CNTNAP2: variants seen among roughly 807,000 people sequenced by gnomAD.
CNTNAP2 encodes the protein contactin associated protein 2.
A neutral mutation model predicts 155.2 loss-of-function variants in CNTNAP2; 98 were observed. The observed-to-expected ratio is 0.63, with a 90% confidence interval of 0.54 to 0.75. The LOEUF is 0.75. CNTNAP2 is among the 30% of genes least tolerant of loss of function. CNTNAP2 has a pLI of 0.00. For synonymous variants in CNTNAP2, 651 were observed against 631.2 expected (o/e 1.03, Z -0.47); for missense variants, 1,727 against 1,688.1 (o/e 1.02, Z -0.40).
intron 1 of CNTNAP2, among the ~76,000 whole-genome samples, chr7:146,709,095 G>T (rs1220972996): frequency 6.6e-6 from 1 of 152,058 alleles, no homozygotes. Context: ...ACATAATTGT[G>T]ATTTCATCTG....
intron 13 of CNTNAP2, among the ~76,000 whole-genome samples, chr7:147,720,858 A>C (rs993796794): frequency 2.0e-5 from 3 of 152,074 alleles, no homozygotes; most frequent in African/African-American, 7.2e-5. Flanking sequence ...TATGAAAAAA[A>C]GACTAATACC....
intron 1 of CNTNAP2, among the ~76,000 whole-genome samples, chr7:146,267,396 C>T (rs1409001754): frequency 2.6e-5 from 4 of 152,034 alleles, no homozygotes; most frequent in Non-Finnish European, 5.9e-5. Context: ...ATTAGAACTG[C>T]TATAGGTGCT....
At chr7:148,004,860 A>G (rs1471884572) in intron 15 of CNTNAP2, among the ~76,000 whole-genome samples, 1 of 152,170 alleles carries the variant, frequency 6.6e-6, no homozygotes, top group African/African-American at 2.4e-5. Flanking sequence ...TCCAGGAAAG[A>G]ATGTTCAATA....
intron 1 of CNTNAP2, among the ~76,000 whole-genome samples, chr7:146,483,502 T>C (rs1018315281): frequency 2.7e-5 from 4 of 149,958 alleles, no homozygotes; most frequent in African/African-American, 9.7e-5. Flanking sequence ...TGTTTGTGTG[T>C]GTGTGTGCGT....
chr7:147,230,914 T>A (rs1803665127), intron 8 of CNTNAP2, among the ~76,000 whole-genome samples: 1 of 152,218 alleles, frequency 6.6e-6, no homozygotes, highest in Admixed American at 6.5e-5. Flanking sequence ...AGATACTACC[T>A]GAGACTGGGT....
intron 1 of CNTNAP2, among the ~76,000 whole-genome samples, chr7:146,483,880 C>A (rs1378401478): frequency 6.6e-6 from 1 of 152,038 alleles, no homozygotes; most frequent in Non-Finnish European, 1.5e-5. Flanking sequence ...GTTTTCTACA[C>A]AACGAGTATA....
Position 146,634,673 on chromosome 7 carries a change from A to C in CNTNAP2, c.98-139598A>C, listed in dbSNP as rs928627114. 4.6e-5 allele frequency among the ~76,000 whole-genome samples: 7 copies of C among 152,214 alleles called. 1 individual carries two copies. The highest frequency in any genetic ancestry group is 5.9e-5 in the Non-Finnish European group (4 of 68,044). On this transcript the variant is annotated intron_variant, in intron 1 of 23. Coordinates refer to ENST00000361727, the MANE Select transcript of CNTNAP2 (RefSeq NM_014141.6). Reference sequence around the variant, plus strand: ...AATATTAAAATGCAACCAGTCATGCAGTGTTGATGACAAGCTTCCTTTTCC... The same window carrying C: ...AATATTAAAATGCAACCAGTCATGCCGTGTTGATGACAAGCTTCCTTTTCC...
At chr7:148,222,478 C>A (rs917970989) in intron 19 of CNTNAP2, among the ~76,000 whole-genome samples, 1 of 95,200 alleles carries the variant, frequency 1.1e-5, no homozygotes, top group African/African-American at 3.9e-5. Flanking sequence ...ATCCATTAAC[C>A]CATTAATCCA....
At chr7:146,890,858 A>G (rs1795760518) in intron 3 of CNTNAP2, among the ~76,000 whole-genome samples, 1 of 152,188 alleles carries the variant, frequency 6.6e-6, no homozygotes, top group South Asian at 2.1e-4. Flanking sequence ...TGGAATTAAA[A>G]GACAGATTAC....
intron 10 of CNTNAP2, among the ~76,000 whole-genome samples, chr7:147,416,868 C>T (rs868120230): frequency 6.6e-6 from 1 of 152,158 alleles, no homozygotes; most frequent in Non-Finnish European, 1.5e-5. Context: ...GCAGGCAGAT[C>T]ACCTGAGTTC....
intron 1 of CNTNAP2, among the ~76,000 whole-genome samples, chr7:146,315,156 G>A (rs148793888): frequency 5.9e-5 from 9 of 152,300 alleles, no homozygotes; most frequent in African/African-American, 1.4e-4. Context: ...CTGCTGTGAA[G>A]CCAAACCCTC....
At chr7:147,689,519 CTCTT>C (rs1796059377) in intron 13 of CNTNAP2, among the ~76,000 whole-genome samples, 2 of 152,156 alleles carry the variant, frequency 1.3e-5, no homozygotes, top group Non-Finnish European at 2.9e-5. Flanking sequence ...TCACGTTATT[CTCTT>C]TACACATTTG....
intron 1 of CNTNAP2, among the ~76,000 whole-genome samples, chr7:146,225,000 A>G (rs1209476341): frequency 6.6e-6 from 1 of 152,158 alleles, no homozygotes; most frequent in Non-Finnish European, 1.5e-5. Flanking sequence ...AAAAAATCCT[A>G]TTGGTGTTTT....
chr7:146,357,592 C>T (rs56863910), intron 1 of CNTNAP2, among the ~76,000 whole-genome samples: 2,057 of 152,168 alleles, frequency 0.014, 43 homozygotes, highest in African/African-American at 0.047. Context: ...AATGTTAATA[C>T]GGATATAGGA....
intron 1 of CNTNAP2, among the ~76,000 whole-genome samples, chr7:146,738,837 TTC>T (rs1199446622): frequency 6.6e-6 from 1 of 150,738 alleles, no homozygotes; most frequent in African/African-American, 2.5e-5. Context: ...TGTTAAGATT[TTC>T]TGTTTTTTTT....
At chr7:147,397,056 G>A (rs1796828652) in intron 10 of CNTNAP2, among the ~76,000 whole-genome samples, 1 of 152,008 alleles carries the variant, frequency 6.6e-6, no homozygotes, top group Admixed American at 6.6e-5. Flanking sequence ...GCGTTCGTGT[G>A]AATGGTAAGT....
At chr7:146,799,967 A>C (rs1214111990) in intron 2 of CNTNAP2, among the ~76,000 whole-genome samples, 1 of 122,324 alleles carries the variant, frequency 8.2e-6, no homozygotes, top group Admixed American at 7.1e-5. Flanking sequence ...CTGTTAAATA[A>C]AAAAAGTATG....
intron 3 of CNTNAP2, among the ~76,000 whole-genome samples, chr7:146,964,837 C>G (rs551454632): frequency 2.5e-3 from 380 of 152,086 alleles, no homozygotes; most frequent in African/African-American, 4.3e-3. Context: ...AATACCTAAG[C>G]AGATAGTCAT....
intron 21 of CNTNAP2, among the ~76,000 whole-genome samples, chr7:148,315,084 T>C (rs1220647131): frequency 6.6e-6 from 1 of 152,178 alleles, no homozygotes; most frequent in East Asian, 1.9e-4. Flanking sequence ...GAGATGTTCC[T>C]TGGGCTGGTT....
Sources: allele counts gnomAD v4.1 joint callset (sites outside exome capture counted in the v4.1 genomes callset), GRCh38; gene constraint gnomAD v4.1.1; transcripts MANE v1.5; gene names NCBI Gene and HGNC (gene_info 2026-07-23, HGNC 2026-07-21).